SFXN5: variants seen among roughly 807,000 people sequenced by gnomAD.
SFXN5 encodes sideroflexin 5, also known as sideroflexin-5.
In SFXN5, 43 loss-of-function variants were observed where a neutral mutation model predicts 50.2. That is an observed-to-expected ratio of 0.86 (90% CI 0.67 to 1.11). The LOEUF is 1.11. SFXN5 is among the 50% of genes least tolerant of loss of function. The pLI is 0.00. For synonymous variants in SFXN5, 203 were observed against 185.8 expected, an observed-to-expected ratio of 1.09 and a Z score of -0.75; for missense variants, 463 against 454.1, an observed-to-expected ratio of 1.02 and a Z score of -0.18.
chr2:72,981,562 C>T (rs1671303471), intron 10 of SFXN5, among the ~76,000 whole-genome samples: 1 of 152,172 alleles, frequency 6.6e-6, no homozygotes, highest in Non-Finnish European at 1.5e-5. Flanking sequence ...GAGCCACAGG[C>T]CTCCTCCATC....
In SFXN5 at chr2:73,059,881, A is replaced by G. The variant is rs1302309756; in HGVS notation, c.103-1285T>C. ...GATGTTCAAAGATCTGGTCAGGTGT[A>G]CATACCAAGGATATTCACTGCTGCA... On this transcript the variant is annotated intron_variant, in intron 1 of 13. Coordinates refer to ENST00000272433, the MANE Select transcript of SFXN5 (RefSeq NM_144579.3). The G allele has an allele frequency of 1.9e-5, 19 of 980,496 alleles. 2 individuals carry two copies. Among genetic ancestry groups the G allele is most frequent in the Non-Finnish European group, 2.1e-5 (17 of 825,778 alleles). 60.7% of individuals were successfully genotyped at this position (980,496 alleles called of 1,614,324 possible). A position where few individuals can be genotyped will look rare whatever the true frequency, so the allele number is the denominator to read the frequency against.
At chr2:73,051,470 C>G (rs1458243304) in intron 2 of SFXN5, among the ~76,000 whole-genome samples, 1 of 152,058 alleles carries the variant, frequency 6.6e-6, no homozygotes, top group Non-Finnish European at 1.5e-5. Flanking sequence ...CTTGGCCAGG[C>G]TGGTCTTGAA....
intron 6 of SFXN5, among the ~76,000 whole-genome samples, chr2:73,015,109 T>C (rs1675985006): frequency 6.6e-6 from 1 of 152,234 alleles, no homozygotes; most frequent in African/African-American, 2.4e-5. Context: ...ATAGACACTA[T>C]CAAGTTAAGA....
rs112601991 is a variant in SFXN5, at chr2:72,998,908, G to C, written c.534+41C>G. On this transcript the variant is annotated intron_variant, in intron 9 of 13. Transcript: ENST00000272433. ...TGCAATGCTGAGCGGGGTGGCCCCA[G>C]AGCAGCAGAGCCAAGAAGGAGCAGG... is the stretch of plus-strand genomic sequence containing the variant. 5.6e-4 allele frequency: 896 copies of C among 1,607,240 alleles called. 4 individuals are homozygous for C. Among genetic ancestry groups the C allele is most frequent in the African/African-American group, 5.5e-3 (411 of 74,874 alleles).
intron 2 of SFXN5, chr2:73,044,606 G>A (rs1451471173): frequency 6.6e-6 from 1 of 152,602 alleles, no homozygotes; most frequent in African/African-American, 2.4e-5. Flanking sequence ...GTGAAAGCTG[G>A]GAGGTTGGTG....
At chr2:73,023,137 G>A in intron 4 of SFXN5, 51 bp downstream of exon 4, 2 of 1,574,638 alleles carry the variant, frequency 1.3e-6, no homozygotes, top group Non-Finnish European at 1.7e-6. Context: ...AGGGCAGGGT[G>A]GAGTCCAGGA....
chr2:73,016,743 G>C (rs1260260125), intron 6 of SFXN5, among the ~76,000 whole-genome samples: 1 of 152,070 alleles, frequency 6.6e-6, no homozygotes, highest in East Asian at 1.9e-4. Flanking sequence ...ACAAAAAACA[G>C]ATATACTGAG....
chr2:73,010,743 T>A (rs1405523109), intron 6 of SFXN5, among the ~76,000 whole-genome samples: 1 of 152,222 alleles, frequency 6.6e-6, no homozygotes, highest in Non-Finnish European at 1.5e-5. Context: ...ACACATTTTT[T>A]AAAACCCAAC....
At chr2:72,951,007 C>G (rs756553540) in intron 13 of SFXN5, among the ~76,000 whole-genome samples, 16 of 152,160 alleles carry the variant, frequency 1.1e-4, no homozygotes, top group Admixed American at 2.6e-4. Context: ...GGCTCCTCCC[C>G]GGGCACCCAA....
At chr2:72,970,605 C>A (rs1265692877) in intron 11 of SFXN5, among the ~76,000 whole-genome samples, 1 of 151,626 alleles carries the variant, frequency 6.6e-6, no homozygotes, top group Non-Finnish European at 1.5e-5. Context: ...AGGCCAGAGA[C>A]CAGGGGGCAG....
At chr2:72,947,350 G>T (rs1345150979) in intron 13 of SFXN5, among the ~76,000 whole-genome samples, 1 of 152,234 alleles carries the variant, frequency 6.6e-6, no homozygotes, top group Non-Finnish European at 1.5e-5. Flanking sequence ...CCCCGATGTT[G>T]GGCTTTATCT....
In SFXN5 at chr2:72,961,792, G is replaced by T. The variant is rs1277265928; in HGVS notation, c.828-544C>A. On this transcript the variant is annotated intron_variant, in intron 12 of 13. Coordinates refer to ENST00000272433, the MANE Select transcript of SFXN5 (RefSeq NM_144579.3). This position sits in a 1 kb window ranked among gnomAD's most constrained non-coding sequence, Gnocchi z 4.4. ...CAGAAGACACCCCACTGGCCACCTTGTCAATTTCAACCCAAGGGCAACAGA... is the reference window on the plus strand; with the variant it reads ...CAGAAGACACCCCACTGGCCACCTTTTCAATTTCAACCCAAGGGCAACAGA... Among the ~76,000 whole-genome samples the T allele has an allele frequency of 6.6e-6, 1 of 152,178 alleles. No individual in the cohort carries two copies. Among genetic ancestry groups the T allele is most frequent in the Non-Finnish European group, 1.5e-5 (1 of 68,036 alleles).
chr2:73,039,955 C>T (rs557467567), intron 3 of SFXN5, among the ~76,000 whole-genome samples: 8 of 151,948 alleles, frequency 5.3e-5, no homozygotes, highest in African/African-American at 1.9e-4. Flanking sequence ...GGATTACAGG[C>T]GTCCACCACC....
intron 3 of SFXN5, among the ~76,000 whole-genome samples, chr2:73,035,966 A>G (rs1167107593): frequency 6.6e-6 from 1 of 152,144 alleles, no homozygotes; most frequent in Non-Finnish European, 1.5e-5. Context: ...CAAACTGGGT[A>G]AAAAAAGAGA....
intron 3 of SFXN5, among the ~76,000 whole-genome samples, chr2:73,027,629 T>C (rs1287424509): frequency 6.6e-6 from 1 of 152,156 alleles, no homozygotes; most frequent in Non-Finnish European, 1.5e-5. Flanking sequence ...CCATTGATGG[T>C]AAGTGTTCTA....
intron 6 of SFXN5, among the ~76,000 whole-genome samples, chr2:73,014,777 T>C (rs1011112648): frequency 5.9e-5 from 9 of 152,232 alleles, no homozygotes; most frequent in African/African-American, 1.9e-4. Flanking sequence ...GTAAATGACA[T>C]CTTTTATAAA....
rs1450525199 is a variant in SFXN5, at chr2:72,999,023, C to T, written c.469-9G>A. The T allele has an allele frequency of 3.1e-6, 5 of 1,614,090 alleles. No individual in the cohort carries two copies. Among genetic ancestry groups the T allele is most frequent in the Non-Finnish European group, 4.2e-6 (5 of 1,180,006 alleles). Reference sequence around the variant, plus strand: ...TTGGATGCAGGTGAAGGCTGGAAAACAGAGGCAGAATTTCAGGCCTGCTGG... The same window carrying T: ...TTGGATGCAGGTGAAGGCTGGAAAATAGAGGCAGAATTTCAGGCCTGCTGG... On this transcript the variant is annotated splice_polypyrimidine_tract_variant and intron_variant, in intron 8 of 13. Transcript: ENST00000272433.
At chr2:73,040,643 C>A (rs1679499947) in intron 3 of SFXN5, among the ~76,000 whole-genome samples, 1 of 152,238 alleles carries the variant, frequency 6.6e-6, no homozygotes. Flanking sequence ...CTTTGGGCCA[C>A]CCTAGCCTTA....
chr2:73,063,716 G>A (rs138646471), intron 1 of SFXN5, among the ~76,000 whole-genome samples: 1,583 of 152,260 alleles, frequency 0.01, 45 homozygotes, highest in Non-Finnish European at 8.8e-3. Flanking sequence ...AGTGAGACAT[G>A]AGTATGAAAG....
Sources: gnomAD v4.1 joint callset for allele counts (sites outside exome capture counted in the v4.1 genomes callset) on GRCh38, gnomAD v4.1.1 for gene constraint, Gnocchi (gnomAD v3.1) non-coding constraint, MANE v1.5 for transcripts, NCBI Gene and HGNC (gene_info 2026-07-23, HGNC 2026-07-21) for gene names.